CDK1: variants seen among roughly 807,000 people sequenced by gnomAD.
CDK1 encodes the protein cyclin-dependent kinase 1.
A neutral mutation model predicts 34.6 loss-of-function variants in CDK1; 5 were observed. That is an observed-to-expected ratio of 0.14 (90% confidence interval 0.08 to 0.30). The LOEUF is 0.30. Ranked by LOEUF, CDK1 falls within the 10% of genes least tolerant of loss-of-function variation. The pLI is 1.00. For synonymous variants in CDK1, 108 were observed against 114.7 expected, an observed-to-expected ratio of 0.94 and a Z score of 0.37; for missense variants, 157 against 345.7, an observed-to-expected ratio of 0.45 and a Z score of 4.33.
At chr10:60,782,488 A>G (rs2080281228) in intron 2 of CDK1, among the ~76,000 whole-genome samples, 1 of 152,210 alleles carries the variant, frequency 6.6e-6, no homozygotes, top group Non-Finnish European at 1.5e-5. Context: ...TGTCTTAAGA[A>G]AATGTCTTTT....
Position 60,791,834 on chromosome 10 carries a change from G to A in CDK1, c.490-56G>A, listed in dbSNP as rs529822250. 3.3e-6 allele frequency: 3 copies of A among 909,876 alleles called. No individual in the cohort carries two copies. In the African/African-American group the frequency reaches 5.0e-5, roughly 15 times the overall value. 56.4% of individuals were successfully genotyped at this position (909,876 alleles called of 1,614,324 possible). On this transcript the variant is annotated intron_variant, in intron 5 of 7. Transcript: ENST00000395284. ...CCCTAATAAAAATATAAATGTTTAA[G>A]TGTAGGTAATTTTATGCACCACATT...
In CDK1 at chr10:60,780,033, A is replaced by G; in HGVS notation, c.-25-108A>G. 3.0e-6 allele frequency: 2 copies of G among 670,622 alleles called. 1 individual carries two copies. The highest frequency in any genetic ancestry group is 3.3e-5 in the South Asian group (2 of 59,972). 41.5% of individuals were successfully genotyped at this position (670,622 alleles called of 1,614,324 possible). ...TGTAATTAATATTTATGGAATACTT[A>G]TGCTGCAGTAGGCACTGTGGAAAAT... On this transcript the variant is annotated intron_variant, in intron 1 of 7. Transcript: ENST00000395284.
At chr10:60,781,060 T>G (rs28517556) in intron 2 of CDK1, among the ~76,000 whole-genome samples, 1 of 62,944 alleles carries the variant, frequency 1.6e-5, no homozygotes, top group South Asian at 5.3e-4. Flanking sequence ...ATATATATAT[T>G]TTTTTTTTAA....
intron 5 of CDK1, among the ~76,000 whole-genome samples, chr10:60,790,127 G>A (rs1589113941): frequency 6.6e-6 from 1 of 152,070 alleles, no homozygotes; most frequent in East Asian, 1.9e-4. Flanking sequence ...ATTCTTTGTT[G>A]TATGAATGAT....
At chr10:60,783,638 C>T (rs2080290912) in intron 2 of CDK1, 1 of 152,076 alleles carries the variant, frequency 6.6e-6, no homozygotes, top group African/African-American at 2.4e-5. Flanking sequence ...CCCTAAACTC[C>T]AACTCGAGTT....
At chr10:60,780,256 T>A in intron 2 of CDK1, 54 bp downstream of exon 2, 1 of 880,070 alleles carries the variant, frequency 1.1e-6, no homozygotes, top group Non-Finnish European at 1.9e-6. Flanking sequence ...ATGCTACAAC[T>A]TCTGTAATAT....
intron 2 of CDK1, among the ~76,000 whole-genome samples, chr10:60,783,222 C>G (rs1336558778): frequency 6.6e-6 from 1 of 152,072 alleles, no homozygotes; most frequent in East Asian, 1.9e-4. Flanking sequence ...TAAATATAGT[C>G]AATTCTCCTT....
At position 60,788,051 on chromosome 10, in the gene CDK1, T is replaced by A; in HGVS notation, c.319-9T>A. On this transcript the variant is annotated splice_polypyrimidine_tract_variant and intron_variant, in intron 4 of 7. Transcript: ENST00000395284. Reference sequence around the variant, plus strand: ...GCTTAAGTTTCTAACTTTTACTTGCTTTTTCCAGAGTTATTTATACCAAAT... The same window carrying A: ...GCTTAAGTTTCTAACTTTTACTTGCATTTTCCAGAGTTATTTATACCAAAT... 1 of 1,352,002 alleles carries A rather than the reference T, an allele frequency of 7.4e-7. No homozygotes were observed. The highest frequency in any genetic ancestry group is 9.7e-7 in the Non-Finnish European group (1 of 1,028,092). The allele number at this position is 1,352,002 out of a possible 1,614,324, so 83.8% of individuals were successfully genotyped here.
chr10:60,786,048 C>G, intron 4 of CDK1: 1 of 1,073,620 alleles, frequency 9.3e-7, no homozygotes, highest in Non-Finnish European at 1.1e-6. Context: ...GTAGTCTGGT[C>G]TTTCTTTGGC....
intron 5 of CDK1, among the ~76,000 whole-genome samples, chr10:60,790,358 G>A (rs902262151): frequency 5.9e-5 from 9 of 151,998 alleles, no homozygotes; most frequent in Non-Finnish European, 1.2e-4. Flanking sequence ...ATCCTTCCAC[G>A]TCAGCCTCCT....
chr10:60,782,789 G>A lies in CDK1; in HGVS notation c.38-1916G>A, dbSNP rs776253055. Among the ~76,000 whole-genome samples, 59 of 151,996 alleles carry A rather than the reference G, an allele frequency of 3.9e-4. 3 individuals carry two copies. Among genetic ancestry groups the A allele is most frequent in the South Asian group, 2.1e-4 (1 of 4,826 alleles). ...TCTTTAGAATTCTTAGTTCATTTTGGAGGATATGCCATGTATTTCAAAAAT... is the reference window on the plus strand; with the variant it reads ...TCTTTAGAATTCTTAGTTCATTTTGAAGGATATGCCATGTATTTCAAAAAT... On this transcript the variant is annotated intron_variant, in intron 2 of 7. Transcript: ENST00000395284.
At position 60,785,796 on chromosome 10, in the gene CDK1, T is replaced by G; in HGVS notation, c.318+9T>G. ...ATTCTTCACTTGTTAAGGTAAAAGCTTAACTAATTTTATTAATATTTATGC... is the reference window on the plus strand; with the variant it reads ...ATTCTTCACTTGTTAAGGTAAAAGCGTAACTAATTTTATTAATATTTATGC... On this transcript the variant is annotated intron_variant, in intron 4 of 7. Coordinates refer to ENST00000395284, the MANE Select transcript of CDK1 (RefSeq NM_001786.5). The G allele has an allele frequency of 1.3e-6, 2 of 1,577,804 alleles. No individual in the cohort carries two copies. Among genetic ancestry groups the G allele is most frequent in the Non-Finnish European group, 1.7e-6 (2 of 1,159,064 alleles).
chr10:60,792,437 G>C (rs2080367338), intron 7 of CDK1, 148 bp downstream of exon 7: 2 of 598,014 alleles, frequency 3.3e-6, no homozygotes, highest in South Asian at 3.7e-5. Flanking sequence ...CTTCATTTTA[G>C]ATATCAGGAG....
At chr10:60,793,595 G>C (rs1032631104) in intron 7 of CDK1, among the ~76,000 whole-genome samples, 7 of 152,008 alleles carry the variant, frequency 4.6e-5, no homozygotes, top group Admixed American at 2.6e-4. Context: ...TTGTGTCTCA[G>C]TTTTAAAGCT....
At chr10:60,793,535 G>GAATTAAATT (rs2080375908) in intron 7 of CDK1, among the ~76,000 whole-genome samples, 1 of 151,998 alleles carries the variant, frequency 6.6e-6, no homozygotes, top group Admixed American at 6.6e-5. Flanking sequence ...AACTCAGGTG[G>GAATTAAATT]CCGTTTAATT....
At chr10:60,791,865 A>T (rs776505266) in intron 5 of CDK1, 25 bp from the exon 6 acceptor site, 3 of 1,428,518 alleles carry the variant, frequency 2.1e-6, no homozygotes, top group Non-Finnish European at 1.9e-6. Context: ...ACATTTATTC[A>T]TTGTAAAAAT....
At chr10:60,781,343 A>G (rs2080271127) in intron 2 of CDK1, among the ~76,000 whole-genome samples, 1 of 152,120 alleles carries the variant, frequency 6.6e-6, no homozygotes, top group African/African-American at 2.4e-5. Context: ...AAAGAATGTA[A>G]TTTTAAATTT....
At chr10:60,783,963 G>A (rs2080294059) in intron 2 of CDK1, among the ~76,000 whole-genome samples, 1 of 152,134 alleles carries the variant, frequency 6.6e-6, no homozygotes, top group Non-Finnish European at 1.5e-5. Context: ...AGATAAAAGT[G>A]TTTTGAAAAG....
Position 60,794,243 on chromosome 10 carries a change from G to C in CDK1, c.*268G>C. The C allele has an allele frequency of 4.4e-6, 1 of 227,134 alleles. No homozygotes were observed. The highest frequency in any genetic ancestry group is 8.4e-6 in the Non-Finnish European group (1 of 118,348). 14.1% of individuals were successfully genotyped at this position (227,134 alleles called of 1,614,324 possible). A position where few individuals can be genotyped will look rare whatever the true frequency, so the allele number is the denominator to read the frequency against. On this transcript the variant is annotated 3_prime_UTR_variant, in exon 8 of 8. Coordinates refer to ENST00000395284, the MANE Select transcript of CDK1 (RefSeq NM_001786.5). ...GATGTCAGGAATCAGGAAAAAATTT[G>C]AGTTGGCTTAAATCATCTCAGTCCT...
Sources: gnomAD v4.1 joint callset for allele counts (sites outside exome capture counted in the v4.1 genomes callset) on GRCh38, gnomAD v4.1.1 for gene constraint, MANE v1.5 for transcripts, NCBI Gene and HGNC (gene_info 2026-07-23, HGNC 2026-07-21) for gene names.